The following MEDAG variants were observed in gnomAD, a reference collection of about 807,000 sequenced individuals.
MEDAG encodes mesenteric estrogen dependent adipogenesis.
A neutral mutation model predicts 29.9 loss-of-function variants in MEDAG; 25 were observed. The ratio of observed to expected loss-of-function variants is 0.84; its 90% CI spans 0.61 to 1.17. The LOEUF is 1.17. Ranked by LOEUF, MEDAG falls within the 50% of genes most tolerant of loss-of-function variation. The pLI, the probability that MEDAG is intolerant of heterozygous loss-of-function variation, is 0.00. For missense variants in MEDAG, 398 were observed against 372.9 expected (o/e 1.07, Z -0.56); for synonymous variants, 158 against 148.2 (o/e 1.07, Z -0.48).
intron 1 of MEDAG, among the ~76,000 whole-genome samples, chr13:30,914,485 C>A: frequency 6.6e-6 from 1 of 152,178 alleles, no homozygotes; most frequent in East Asian, 1.9e-4. Context: ...AATTCAAGTA[C>A]CCCTGAATCA....
intron 3 of MEDAG, 99 bp from the exon 4 acceptor site, chr13:30,921,462 G>C (rs1952984098): frequency 1.9e-6 from 2 of 1,069,706 alleles, no homozygotes; most frequent in East Asian, 2.4e-5. Context: ...AGGGAAATAA[G>C]AGGTGTGATG....
chr13:30,906,812 C>G lies in MEDAG; in HGVS notation c.278+19C>G. ...TCAAGAGGTGGGTGGCCTCGCCGTG[C>G]GCCCTGGCCCGTCGCCTGGTACCCG... On this transcript the variant is annotated intron_variant, in intron 1 of 4. Transcript: ENST00000380482. 6.9e-7 allele frequency: 1 copy of G among 1,439,904 alleles called. No homozygotes were observed. Among genetic ancestry groups the G allele is most frequent in the Non-Finnish European group, 9.1e-7 (1 of 1,104,780 alleles). 89.2% of individuals were successfully genotyped at this position (1,439,904 alleles called of 1,614,324 possible).
At chr13:30,919,674 C>T (rs1426539835) in intron 2 of MEDAG, among the ~76,000 whole-genome samples, 3 of 152,136 alleles carry the variant, frequency 2.0e-5, no homozygotes, top group Admixed American at 6.6e-5. Context: ...TCCTCGAGGA[C>T]GTAAACACTT....
At chr13:30,911,527 C>T (rs1412204184) in intron 1 of MEDAG, among the ~76,000 whole-genome samples, 3 of 152,106 alleles carry the variant, frequency 2.0e-5, no homozygotes, top group Non-Finnish European at 4.4e-5. Flanking sequence ...GCTCCCTGCC[C>T]CTGCTCTTGT....
At chr13:30,913,774 C>T (rs988291297) in intron 1 of MEDAG, among the ~76,000 whole-genome samples, 1 of 152,130 alleles carries the variant, frequency 6.6e-6, no homozygotes, top group Non-Finnish European at 1.5e-5. Context: ...GGTGTGATGG[C>T]TCACACCTGT....
chr13:30,920,782 T>C (rs769485022), intron 2 of MEDAG, among the ~76,000 whole-genome samples: 3 of 152,186 alleles, frequency 2.0e-5, no homozygotes, highest in African/African-American at 7.2e-5. Flanking sequence ...GAGCTGATTA[T>C]CTAGCCTGCC....
In MEDAG at chr13:30,921,544, G is replaced by A; in HGVS notation, c.502-17G>A. ...CTTATGTCCATTAAGTCAATGCAATGTTCCTCTCTCTTTCAGTTTGATTTT... is the reference window on the plus strand; with the variant it reads ...CTTATGTCCATTAAGTCAATGCAATATTCCTCTCTCTTTCAGTTTGATTTT... On this transcript the variant is annotated splice_polypyrimidine_tract_variant and intron_variant, in intron 3 of 4. Transcript: ENST00000380482. 1.3e-6 allele frequency: 2 copies of A among 1,587,986 alleles called. No homozygotes were observed. Among genetic ancestry groups the A allele is most frequent in the South Asian group, 1.2e-5 (1 of 84,848 alleles).
Position 30,919,532 on chromosome 13 carries a change from G to T in MEDAG, c.389-1482G>T, listed in dbSNP as rs1447001962. Among the ~76,000 whole-genome samples the T allele has an allele frequency of 2.0e-5, 3 of 152,174 alleles. No homozygotes were observed. In the South Asian group the frequency reaches 6.2e-4, roughly 31 times the overall value. ...TTTAATTGAAGGTATCAAGGAGTTT[G>T]CTTGCTTTGTTTATCTATTGTCTTA... On this transcript the variant is annotated intron_variant, in intron 2 of 4. Coordinates refer to ENST00000380482, the MANE Select transcript of MEDAG (RefSeq NM_032849.4).
At chr13:30,917,225 C>G (rs982539627) in intron 1 of MEDAG, among the ~76,000 whole-genome samples, 178 bp from the exon 2 acceptor site, 2 of 152,174 alleles carry the variant, frequency 1.3e-5, no homozygotes, top group African/African-American at 4.8e-5. Flanking sequence ...CACGCTGATC[C>G]TTGAGCCAAT....
chr13:30,906,665 G>C lies in MEDAG; in HGVS notation c.150G>C (p.Leu50=). 1 of 1,561,002 alleles carries C rather than the reference G, an allele frequency of 6.4e-7. No homozygotes were observed. Among genetic ancestry groups the C allele is most frequent in the Non-Finnish European group, 8.6e-7 (1 of 1,161,178 alleles). The change falls in exon 1 of 5, where the codon CTG becomes CTC. Residue 50 remains leucine (L), a synonymous_variant. Transcript: ENST00000380482. ...GCCTGCAGCCCGGTGCCTTCCAGCTGAGCGGCGACCAGCTCGTGGTGGCCA... is the reference window on the plus strand; with the variant it reads ...GCCTGCAGCCCGGTGCCTTCCAGCTCAGCGGCGACCAGCTCGTGGTGGCCA... The part of the protein sequence containing the change: ...LLRLQPGAFQ[L]SGDQLVVARP...
intron 1 of MEDAG, among the ~76,000 whole-genome samples, chr13:30,912,596 A>C (rs996073278): frequency 6.6e-6 from 1 of 152,182 alleles, no homozygotes. Context: ...AGAAATTGTT[A>C]GAGCCAAGGG....
chr13:30,917,490 G>A lies in MEDAG; in HGVS notation c.366G>A (p.Gln122=), dbSNP rs867307756. 1 of 1,592,720 alleles carries A rather than the reference G, an allele frequency of 6.3e-7. No homozygotes were observed. The highest frequency in any genetic ancestry group is 8.6e-7 in the Non-Finnish European group (1 of 1,161,264). ...CAATGTTGTTCTTTATTAATGTACAGACCAAAAAAGACACCTCAAAAGGTA... is the reference window on the plus strand; with the variant it reads ...CAATGTTGTTCTTTATTAATGTACAAACCAAAAAAGACACCTCAAAAGGTA... ...SKPMLFFINV[Q]TKKDTSKERT... Residue 122 remains glutamine, a synonymous_variant, in exon 2 of 5, where the codon CAG becomes CAA. Transcript: ENST00000380482.
chr13:30,923,943 C>T (rs1953014965), intron 4 of MEDAG, among the ~76,000 whole-genome samples: 1 of 152,156 alleles, frequency 6.6e-6, no homozygotes, highest in Non-Finnish European at 1.5e-5. Flanking sequence ...TCACGTGGTC[C>T]AAACCTGGCA....
At position 30,908,499 on chromosome 13, in the gene MEDAG, A is replaced by G. The variant is rs139713090; in HGVS notation, c.278+1706A>G. Among the ~76,000 whole-genome samples, 423 of 152,286 alleles carry G rather than the reference A, an allele frequency of 2.8e-3. 3 individuals are homozygous for G. Among genetic ancestry groups the G allele is most frequent in the African/African-American group, 9.4e-3 (391 of 41,566 alleles). On this transcript the variant is annotated intron_variant, in intron 1 of 4. Coordinates refer to ENST00000380482, the MANE Select transcript of MEDAG (RefSeq NM_032849.4). ...ATGGCCAGGAGGGAATGTGGTCTAA[A>G]TGGAGACAGCCTTCCAGGCAGAGGG... is the stretch of plus-strand genomic sequence containing the variant.
At chr13:30,915,431 C>T (rs1425199570) in intron 1 of MEDAG, among the ~76,000 whole-genome samples, 1 of 152,116 alleles carries the variant, frequency 6.6e-6, no homozygotes, top group Admixed American at 6.5e-5. Flanking sequence ...CCCTCCAGCA[C>T]AAGAAGGCAA....
At chr13:30,913,634 A>G (rs1952901074) in intron 1 of MEDAG, among the ~76,000 whole-genome samples, 1 of 152,242 alleles carries the variant, frequency 6.6e-6, no homozygotes, top group Non-Finnish European at 1.5e-5. Context: ...GAGATTTTAA[A>G]GAAACTGTCT....
At chr13:30,911,306 C>G (rs1232809004) in intron 1 of MEDAG, among the ~76,000 whole-genome samples, 1 of 152,166 alleles carries the variant, frequency 6.6e-6, no homozygotes, top group Non-Finnish European at 1.5e-5. Context: ...AGACAGAAAT[C>G]ACACTCAGAT....
In MEDAG at chr13:30,921,170, A is replaced by G. The variant is rs770291089; in HGVS notation, c.501+44A>G. Reference sequence around the variant, plus strand: ...AATCCAGGGCTGTCAACCACATGGAAGGAGCTTGTGCATTTCATGCAGGAA... The same window carrying G: ...AATCCAGGGCTGTCAACCACATGGAGGGAGCTTGTGCATTTCATGCAGGAA... On this transcript the variant is annotated intron_variant, in intron 3 of 4. Coordinates refer to ENST00000380482, the MANE Select transcript of MEDAG (RefSeq NM_032849.4). 3 of 1,519,242 alleles carry G rather than the reference A, an allele frequency of 2.0e-6. No homozygotes were observed. The African/African-American group carries it at 4.1e-5, about 21-fold the overall frequency. The allele number at this position is 1,519,242 out of a possible 1,614,324, so 94.1% of individuals were successfully genotyped here. A position where few individuals can be genotyped will look rare whatever the true frequency, so the allele number is the denominator to read the frequency against.
At chr13:30,909,774 C>G (rs1332369376) in intron 1 of MEDAG, among the ~76,000 whole-genome samples, 1 of 152,120 alleles carries the variant, frequency 6.6e-6, no homozygotes, top group Admixed American at 6.5e-5. Flanking sequence ...TCATGAGGCC[C>G]TTTTCCAAGG....
Sources: gnomAD v4.1 joint callset for allele counts (sites outside exome capture counted in the v4.1 genomes callset) on GRCh38, gnomAD v4.1.1 for gene constraint, MANE v1.5 for transcripts, NCBI Gene and HGNC (gene_info 2026-07-23, HGNC 2026-07-21) for gene names.